Variants in CEMIP2 observed in about 807,000 individuals in gnomAD.
CEMIP2 encodes cell migration inducing hyaluronidase 2.
CEMIP2 carries 79 observed loss-of-function variants against 146.9 expected under a neutral mutation model. The ratio of observed to expected loss-of-function variants is 0.54; its 90% CI spans 0.45 to 0.65. CEMIP2 has a LOEUF of 0.65. Among genes scored for constraint, CEMIP2 ranks in the 30% least tolerant of loss-of-function variants. The pLI is 0.00. For missense variants in CEMIP2, 1,596 were observed against 1,696.2 expected (o/e 0.94, Z 1.04); for synonymous variants, 601 against 606.3 (o/e 0.99, Z 0.13).
At position 71,711,391 on chromosome 9, in the gene CEMIP2, C is replaced by T. The variant is rs1292275318; in HGVS notation, c.2769+692G>A. On this transcript the variant is annotated intron_variant, in intron 16 of 23. Transcript: ENST00000377044. ...AGCCCAGGCTAATGAGGCCCTTTCT[C>T]TATTAAAAAAAAAAAAAAATTTTTT... Among the ~76,000 whole-genome samples the T allele has an allele frequency of 3.2e-5, 4 of 123,410 alleles. No individual in the cohort carries two copies. The East Asian group carries it at 9.6e-4, about 30-fold the overall frequency. The allele number at this position is 123,410 out of a possible 152,430, so 81.0% of individuals were successfully genotyped here. A position where few individuals can be genotyped will look rare whatever the true frequency, so the allele number is the denominator to read the frequency against.
chr9:71,715,855 G>A (rs1001350698), intron 14 of CEMIP2, among the ~76,000 whole-genome samples: 7 of 151,452 alleles, frequency 4.6e-5, no homozygotes, highest in Admixed American at 1.3e-4. Flanking sequence ...CAAACTCCTG[G>A]CTTTGAGCGA....
At chr9:71,691,061 C>G in intron 21 of CEMIP2, among the ~76,000 whole-genome samples, 1 of 152,184 alleles carries the variant, frequency 6.6e-6, no homozygotes, top group South Asian at 2.1e-4. Flanking sequence ...TACCACTACA[C>G]CTGTCCATGC....
At chr9:71,727,172 A>G (rs1370824564) in intron 10 of CEMIP2, among the ~76,000 whole-genome samples, 1 of 152,248 alleles carries the variant, frequency 6.6e-6, no homozygotes, top group East Asian at 1.9e-4. Flanking sequence ...CATGAGCCAC[A>G]GTAAGGGTAT....
intron 1 of CEMIP2, among the ~76,000 whole-genome samples, 179 bp downstream of exon 1, chr9:71,768,178 C>A (rs1047868597): frequency 6.6e-6 from 1 of 152,148 alleles, no homozygotes; most frequent in Non-Finnish European, 1.5e-5. Flanking sequence ...AGGAGGCGCA[C>A]GGGGGAAGGG....
chr9:71,746,982 GAGTGATACGCA>G (rs1824109719), intron 2 of CEMIP2, among the ~76,000 whole-genome samples: 1 of 152,210 alleles, frequency 6.6e-6, no homozygotes, highest in Non-Finnish European at 1.5e-5. Flanking sequence ...TTAGCAAGCT[GAGTGATACGCA>G]AGTTTCCCCT....
chr9:71,699,489 A>G (rs910636258), intron 19 of CEMIP2: 5 of 420,292 alleles, frequency 1.2e-5, no homozygotes, highest in Non-Finnish European at 2.3e-5. Flanking sequence ...AAAAAGAAAG[A>G]AAAATTAAAA....
intron 16 of CEMIP2, among the ~76,000 whole-genome samples, 159 bp downstream of exon 16, chr9:71,711,924 A>G (rs1455658831): frequency 6.6e-6 from 1 of 152,188 alleles, no homozygotes; most frequent in Admixed American, 6.5e-5. Context: ...CTTGAACTCA[A>G]TGGGAGAGAG....
At chr9:71,712,031 T>C (rs1822919994) in intron 16 of CEMIP2, 52 bp downstream of exon 16, 2 of 1,584,310 alleles carry the variant, frequency 1.3e-6, no homozygotes, top group Non-Finnish European at 1.7e-6. Context: ...GAATGTGCTA[T>C]CCCTCCTTTT....
chr9:71,736,523 A>G (rs1823764926), intron 5 of CEMIP2, among the ~76,000 whole-genome samples: 1 of 152,170 alleles, frequency 6.6e-6, no homozygotes, highest in Admixed American at 6.5e-5. Flanking sequence ...CTTTCCTGGG[A>G]TGATGTAAAT....
chr9:71,749,619 T>A (rs1369784823), intron 2 of CEMIP2, among the ~76,000 whole-genome samples: 1 of 151,782 alleles, frequency 6.6e-6, no homozygotes, highest in East Asian at 1.9e-4. Flanking sequence ...GGCATGAGAA[T>A]CATTTGAACC....
At chr9:71,716,668 C>T in intron 13 of CEMIP2, 116 bp from the exon 14 acceptor site, 2 of 744,608 alleles carry the variant, frequency 2.7e-6, no homozygotes, top group Non-Finnish European at 4.1e-6. Flanking sequence ...TTACTCTCTA[C>T]ATGACCACAC....
chr9:71,749,638 G>A (rs923689028), intron 2 of CEMIP2, among the ~76,000 whole-genome samples: 8 of 151,928 alleles, frequency 5.3e-5, no homozygotes, highest in Admixed American at 3.9e-4. Flanking sequence ...CCCAGGGGGC[G>A]GAGGTTACAG....
intron 4 of CEMIP2, among the ~76,000 whole-genome samples, chr9:71,743,010 G>A (rs1823966417): frequency 6.6e-6 from 1 of 152,294 alleles, no homozygotes; most frequent in East Asian, 1.9e-4. Flanking sequence ...CTTGAGGCCA[G>A]GAGTTTGAGA....
At chr9:71,759,176 C>T (rs929612054) in intron 1 of CEMIP2, among the ~76,000 whole-genome samples, 1 of 152,122 alleles carries the variant, frequency 6.6e-6, no homozygotes, top group South Asian at 2.1e-4. Flanking sequence ...TCCCTACCTG[C>T]TTTATCTATT....
intron 1 of CEMIP2, among the ~76,000 whole-genome samples, chr9:71,759,739 T>C (rs975938929): frequency 1.3e-5 from 2 of 149,558 alleles, no homozygotes; most frequent in African/African-American, 4.9e-5. Flanking sequence ...CGGATGTGGT[T>C]AGATTTTTGG....
chr9:71,691,205 G>A (rs1379757945), intron 21 of CEMIP2, among the ~76,000 whole-genome samples: 1 of 152,116 alleles, frequency 6.6e-6, no homozygotes, highest in East Asian at 1.9e-4. Flanking sequence ...GGTTGAGGTG[G>A]GTGAATCACC....
chr9:71,725,435 G>A, intron 11 of CEMIP2, 146 bp downstream of exon 11: 5 of 862,516 alleles, frequency 5.8e-6, no homozygotes, highest in Non-Finnish European at 8.4e-6. Flanking sequence ...TCAGAAGTGT[G>A]AGCCAAATAA....
At chr9:71,733,437 T>G (rs1486414689) in intron 6 of CEMIP2, among the ~76,000 whole-genome samples, 2 of 152,094 alleles carry the variant, frequency 1.3e-5, no homozygotes, top group Non-Finnish European at 1.5e-5. Context: ...AGTTTTGGGG[T>G]TTTTTTGTTG....
intron 19 of CEMIP2, chr9:71,699,301 T>C (rs1349463799): frequency 9.1e-6 from 3 of 329,548 alleles, no homozygotes; most frequent in Non-Finnish European, 1.9e-5. Context: ...TAAACAAAAA[T>C]TGAAAATCAA....
Sources: gnomAD v4.1 joint callset for allele counts (sites outside exome capture counted in the v4.1 genomes callset) on GRCh38, gnomAD v4.1.1 for gene constraint, MANE v1.5 for transcripts, NCBI Gene and HGNC (gene_info 2026-07-23, HGNC 2026-07-21) for gene names.